Variants in DNAH5 observed in about 807,000 individuals in gnomAD.
DNAH5 encodes the protein axonemal beta dynein heavy chain 5.
DNAH5 carries 372 observed loss-of-function variants against 518.2 expected under a neutral mutation model. That is an observed-to-expected ratio of 0.72 (90% confidence interval 0.66 to 0.78). DNAH5 has a LOEUF of 0.78. Among genes scored for constraint, DNAH5 ranks in the 30% least tolerant of loss-of-function variants. The probability of loss-of-function intolerance (pLI) is 0.00; values close to 1 mark genes in which losing one functional copy is unlikely to be tolerated. For synonymous variants in DNAH5, 2,039 were observed against 2,025.9 expected (o/e 1.01, Z -0.17); for missense variants, 5,523 against 5,687.0 (o/e 0.97, Z 0.93).
At position 13,895,324 on chromosome 5, in the gene DNAH5, C is replaced by T. The variant is rs367890985; in HGVS notation, c.2260-503G>A. Among the ~76,000 whole-genome samples the T allele has an allele frequency of 1.2e-4, 19 of 152,066 alleles. 1 individual carries two copies. The highest frequency in any genetic ancestry group is 4.6e-4 in the Admixed American group (7 of 15,274). On this transcript the variant is annotated intron_variant, in intron 15 of 78. Coordinates refer to ENST00000265104, the MANE Select transcript of DNAH5 (RefSeq NM_001369.3). Reference sequence around the variant, plus strand: ...TACAAATTCCTAATCCAAAAAAATACAACTGAAGATGAACAAGAATTTAAG... The same window carrying T: ...TACAAATTCCTAATCCAAAAAAATATAACTGAAGATGAACAAGAATTTAAG...
rs577293626 is a variant in DNAH5, at chr5:13,849,157, T to C, written c.5114+1495A>G. 4.6e-5 allele frequency among the ~76,000 whole-genome samples: 7 copies of C among 152,366 alleles called. No homozygotes were observed. The East Asian group carries it at 1.2e-3, about 25-fold the overall frequency. On this transcript the variant is annotated intron_variant, in intron 31 of 78. Coordinates refer to ENST00000265104, the MANE Select transcript of DNAH5 (RefSeq NM_001369.3). ...CAACTTTCCTAAAAGTCCACAAACTTCCACATCTCCCCAGCTGTATGCTGA... is the reference window on the plus strand; with the variant it reads ...CAACTTTCCTAAAAGTCCACAAACTCCCACATCTCCCCAGCTGTATGCTGA...
chr5:13,752,728 T>C (rs987874323), intron 63 of DNAH5, among the ~76,000 whole-genome samples: 1 of 152,212 alleles, frequency 6.6e-6, no homozygotes, highest in Non-Finnish European at 1.5e-5. Context: ...AACTTTCATA[T>C]AGATTTTTAG....
intron 65 of DNAH5, among the ~76,000 whole-genome samples, chr5:13,741,368 G>A (rs1748517140): frequency 6.6e-6 from 1 of 152,148 alleles, no homozygotes; most frequent in African/African-American, 2.4e-5. Context: ...AGAAGTTCAG[G>A]TTTTGTGTCA....
intron 1 of DNAH5, among the ~76,000 whole-genome samples, chr5:14,006,321 T>C (rs1784722382): frequency 6.6e-6 from 1 of 152,192 alleles, no homozygotes; most frequent in African/African-American, 2.4e-5. Context: ...GGCAAACTGC[T>C]TAGCATAGCA....
At chr5:13,738,100 AAGG>A (rs1186025589) in intron 65 of DNAH5, among the ~76,000 whole-genome samples, 7 of 151,542 alleles carry the variant, frequency 4.6e-5, no homozygotes, top group Non-Finnish European at 7.4e-5. Flanking sequence ...AAAAAAAAAA[AAGG>A]AGGAGGAGAA....
intron 1 of DNAH5, among the ~76,000 whole-genome samples, chr5:13,962,548 C>T (rs1210165679): frequency 6.6e-6 from 1 of 152,186 alleles, no homozygotes; most frequent in Non-Finnish European, 1.5e-5. Context: ...ATTCAAGCTA[C>T]TGCAGTTAGA....
In DNAH5 at chr5:13,901,536, G is replaced by T; in HGVS notation, c.1768C>A (p.Gln590Lys). ...IPNLGIDDKY[Q>K]LILENYGADI... ...GCCCCATAGTTCTCAAGGATAAGTT[G>T]ATATTTGTCATCAATACCAAGATTA... Residue 590 changes from glutamine to lysine, a missense_variant, in exon 14 of 79, where the codon CAA becomes AAA. Physicochemically the swap from Gln to Lys is moderately conservative, Grantham distance 53. Transcript: ENST00000265104. 6.2e-7 allele frequency: 1 copy of T among 1,613,300 alleles called. No homozygotes were observed. Among genetic ancestry groups the T allele is most frequent in the South Asian group, 1.1e-5 (1 of 91,062 alleles).
At position 13,735,216 on chromosome 5, in the gene DNAH5, T is replaced by G; in HGVS notation, c.11676A>C (p.Lys3892Asn). The G allele has an allele frequency of 6.2e-7, 1 of 1,614,156 alleles. No individual in the cohort carries two copies. Among genetic ancestry groups the G allele is most frequent in the Non-Finnish European group, 8.5e-7 (1 of 1,179,998 alleles). The change falls in exon 68 of 79, where the codon AAA (lysine) becomes AAC (asparagine). Residue 3892 changes from lysine to asparagine, a missense_variant. This residue lies in a region of DNAH5 where 5,121 missense variants were observed against 5,223.3 expected (regional missense o/e 0.98). Coordinates refer to ENST00000265104, the MANE Select transcript of DNAH5 (RefSeq NM_001369.3). Reference protein sequence around the residue: ...YAARGLYEEHKFLFTLLLTLK... With the variant: ...YAARGLYEEHNFLFTLLLTLK... ...GGGTAAGCAACAAGGTGAACAGGAATTTGTGCTCCTCGTACAGCCCTCGGG... is the reference window on the plus strand; with the variant it reads ...GGGTAAGCAACAAGGTGAACAGGAAGTTGTGCTCCTCGTACAGCCCTCGGG...
At chr5:13,883,215 G>T in intron 19 of DNAH5, 121 bp from the exon 20 acceptor site, 1 of 1,059,346 alleles carries the variant, frequency 9.4e-7, no homozygotes, top group Non-Finnish European at 1.4e-6. Flanking sequence ...AATATTTGTT[G>T]AATGAATGAG....
chr5:13,850,560 A>G, intron 31 of DNAH5, 92 bp downstream of exon 31: 1 of 1,141,436 alleles, frequency 8.8e-7, no homozygotes, highest in Non-Finnish European at 1.3e-6. Flanking sequence ...CAGCCTTAGC[A>G]AAAGAAAACA....
At chr5:13,943,605 CT>C (rs536273869) in intron 1 of DNAH5, among the ~76,000 whole-genome samples, 38 of 152,312 alleles carry the variant, frequency 2.5e-4, no homozygotes, top group African/African-American at 8.4e-4. Context: ...GCATCAGAAT[CT>C]TGTGGCTTGG....
At chr5:13,769,980 G>T (rs1335055854) in intron 56 of DNAH5, among the ~76,000 whole-genome samples, 1 of 152,198 alleles carries the variant, frequency 6.6e-6, no homozygotes, top group Non-Finnish European at 1.5e-5. Context: ...AATAATGCCT[G>T]TTTTTCAAAA....
chr5:13,867,748 G>A (rs200322293), intron 25 of DNAH5, 26 bp downstream of exon 25: 41 of 1,568,960 alleles, frequency 2.6e-5, no homozygotes, highest in East Asian at 1.8e-4. Context: ...CCCCGAAAAC[G>A]CACACAGAGA....
At chr5:13,793,382 A>G in intron 49 of DNAH5, 133 bp downstream of exon 49, 1 of 746,672 alleles carries the variant, frequency 1.3e-6, no homozygotes, top group Non-Finnish European at 2.4e-6. Context: ...ACACTGCTTG[A>G]GAGTGATGGA....
At chr5:14,004,172 T>C (rs1005710133) in intron 1 of DNAH5, among the ~76,000 whole-genome samples, 2 of 152,228 alleles carry the variant, frequency 1.3e-5, no homozygotes, top group Admixed American at 6.5e-5. Flanking sequence ...GTATCTTTTA[T>C]TGTGAAACAG....
chr5:13,812,002 A>G (rs1760780608), intron 43 of DNAH5, among the ~76,000 whole-genome samples, 179 bp from the exon 44 acceptor site: 2 of 152,188 alleles, frequency 1.3e-5, no homozygotes, highest in African/African-American at 4.8e-5. Context: ...TTAATCTTCA[A>G]AACAACCCTA....
chr5:13,775,200 T>C (rs1485048473), intron 55 of DNAH5, among the ~76,000 whole-genome samples: 1 of 150,748 alleles, frequency 6.6e-6, no homozygotes, highest in Non-Finnish European at 1.5e-5. Context: ...AAATTTTAAA[T>C]CACTGGCCTT....
At chr5:13,706,615 C>T (rs532087895) in intron 76 of DNAH5, among the ~76,000 whole-genome samples, 3 of 152,178 alleles carry the variant, frequency 2.0e-5, no homozygotes, top group Non-Finnish European at 4.4e-5. Context: ...CACACAAATA[C>T]AGAACAAAGA....
At chr5:14,003,932 C>T (rs751670542) in intron 1 of DNAH5, among the ~76,000 whole-genome samples, 1 of 152,196 alleles carries the variant, frequency 6.6e-6, no homozygotes, top group Non-Finnish European at 1.5e-5. Flanking sequence ...GCCTCCCAAG[C>T]CCCATAGGAG....
Sources: allele counts gnomAD v4.1 joint callset (sites outside exome capture counted in the v4.1 genomes callset), GRCh38; gene constraint gnomAD v4.1.1; regional missense constraint gnomAD v4.1.1; transcripts MANE v1.5; gene names NCBI Gene and HGNC (gene_info 2026-07-23, HGNC 2026-07-21).